The following OSBPL6 variants were observed in gnomAD, a reference collection of about 807,000 sequenced individuals.
The protein encoded by OSBPL6 is oxysterol binding protein like 6, also known as oxysterol-binding protein-related protein 6.
Under a neutral mutation model 125.8 loss-of-function variants are expected in OSBPL6, and 49 were observed. That is an observed-to-expected ratio of 0.39 (90% CI 0.31 to 0.49). OSBPL6 has a LOEUF of 0.49. Among genes scored for constraint, OSBPL6 ranks in the 20% least tolerant of loss-of-function variants. OSBPL6 has a pLI of 0.88. For missense variants in OSBPL6, 986 were observed against 1,135.4 expected (o/e 0.87, Z 1.89); for synonymous variants, 394 against 391.8 (o/e 1.01, Z -0.07).
chr2:178,350,948 T>A (rs958261094), intron 12 of OSBPL6, among the ~76,000 whole-genome samples: 1 of 152,154 alleles, frequency 6.6e-6, no homozygotes, highest in African/African-American at 2.4e-5. Flanking sequence ...AAGGCTTCTG[T>A]TGAATGATAC....
chr2:178,351,561 A>G (rs1275807083), intron 12 of OSBPL6, among the ~76,000 whole-genome samples: 1 of 152,234 alleles, frequency 6.6e-6, no homozygotes, highest in Non-Finnish European at 1.5e-5. Context: ...TATAAAAAAA[A>G]TTGGTGAAAG....
chr2:178,234,990 T>C (rs1309405048), intron 1 of OSBPL6, among the ~76,000 whole-genome samples: 1 of 152,200 alleles, frequency 6.6e-6, no homozygotes, highest in Non-Finnish European at 1.5e-5. Context: ...TTATCAAATA[T>C]GTTTGGATAA....
At chr2:178,319,274 T>C (rs1484648891) in intron 3 of OSBPL6, among the ~76,000 whole-genome samples, 2 of 152,232 alleles carry the variant, frequency 1.3e-5, no homozygotes, top group Non-Finnish European at 2.9e-5. Context: ...TTGAGTGTGC[T>C]GTAAGGGTAA....
intron 11 of OSBPL6, among the ~76,000 whole-genome samples, chr2:178,346,999 G>A (rs1435146893): frequency 2.0e-5 from 3 of 152,186 alleles, no homozygotes; most frequent in Non-Finnish European, 2.9e-5. Flanking sequence ...TGGGTAATAT[G>A]CAAAACCACT....
chr2:178,395,384 G>A, intron 24 of OSBPL6, 67 bp from the exon 25 acceptor site: 1 of 1,106,256 alleles, frequency 9.0e-7, no homozygotes, highest in Non-Finnish European at 1.4e-6. Flanking sequence ...TAATCTATAG[G>A]AGAGGGTCCT....
At chr2:178,206,353 G>A (rs1467197831) in intron 1 of OSBPL6, among the ~76,000 whole-genome samples, 1 of 152,190 alleles carries the variant, frequency 6.6e-6, no homozygotes, top group East Asian at 1.9e-4. Flanking sequence ...GAGTTCACAG[G>A]AAAAACGGTG....
At chr2:178,263,339 G>A (rs1398260235) in intron 1 of OSBPL6, among the ~76,000 whole-genome samples, 2 of 152,304 alleles carry the variant, frequency 1.3e-5, no homozygotes, top group South Asian at 2.1e-4. Flanking sequence ...TTAGCTGGGC[G>A]TGGTGACACA....
intron 24 of OSBPL6, 92 bp from the exon 25 acceptor site, chr2:178,395,358 CT>C (rs530537893): frequency 9.0e-4 from 739 of 825,580 alleles, no homozygotes; most frequent in Admixed American, 4.5e-3. Context: ...ACAAACACTG[CT>C]TATATGTCCA....
intron 1 of OSBPL6, among the ~76,000 whole-genome samples, chr2:178,269,609 A>T (rs750959439): frequency 6.6e-6 from 1 of 152,146 alleles, no homozygotes; most frequent in Non-Finnish European, 1.5e-5. Context: ...AACCCAAGGG[A>T]GGGAGGGAAT....
intron 1 of OSBPL6, among the ~76,000 whole-genome samples, chr2:178,232,893 C>T (rs13003146): frequency 0.16 from 24,092 of 152,052 alleles, 2,420 homozygotes; most frequent in South Asian, 0.23. Flanking sequence ...CTCGTGTATA[C>T]GCTGAACTCC....
intron 2 of OSBPL6, among the ~76,000 whole-genome samples, chr2:178,287,315 T>A (rs957366784): frequency 6.6e-6 from 1 of 151,022 alleles, no homozygotes; most frequent in Non-Finnish European, 1.5e-5. Context: ...ACATTGTAAA[T>A]CTCTTCTTGA....
intron 19 of OSBPL6, 80 bp downstream of exon 19, chr2:178,385,601 C>A: frequency 1.8e-6 from 2 of 1,082,550 alleles, no homozygotes; most frequent in Non-Finnish European, 2.8e-6. Context: ...ACACTGTATT[C>A]AGTTTAGATT....
chr2:178,391,695 A>G (rs534090665), intron 22 of OSBPL6, among the ~76,000 whole-genome samples: 3 of 152,390 alleles, frequency 2.0e-5, no homozygotes, highest in Non-Finnish European at 4.4e-5. Context: ...ACATTTAATA[A>G]AAGACATCAA....
chr2:178,220,534 G>T (rs1370316825), intron 1 of OSBPL6, among the ~76,000 whole-genome samples: 4 of 152,046 alleles, frequency 2.6e-5, no homozygotes, highest in African/African-American at 9.7e-5. Flanking sequence ...TTGAACTCCT[G>T]GGCTCAAGCA....
At chr2:178,216,318 A>G (rs1178918090) in intron 1 of OSBPL6, among the ~76,000 whole-genome samples, 1 of 152,136 alleles carries the variant, frequency 6.6e-6, no homozygotes, top group African/African-American at 2.4e-5. Flanking sequence ...CCCTGAATAT[A>G]CCCCTTGGTA....
chr2:178,278,677 T>A (rs1400011234), intron 1 of OSBPL6, among the ~76,000 whole-genome samples: 1 of 152,242 alleles, frequency 6.6e-6, no homozygotes. Flanking sequence ...CACAACCTGT[T>A]TCCATTAAAC....
intron 3 of OSBPL6, among the ~76,000 whole-genome samples, chr2:178,307,285 A>G (rs1237202805): frequency 2.6e-5 from 4 of 152,148 alleles, no homozygotes; most frequent in Non-Finnish European, 2.9e-5. Flanking sequence ...TCGATAGTGC[A>G]AGTACACTGC....
chr2:178,394,952 A>G (rs1695718006), intron 24 of OSBPL6, among the ~76,000 whole-genome samples: 2 of 152,220 alleles, frequency 1.3e-5, no homozygotes, highest in Admixed American at 6.5e-5. Context: ...GAGCCAGGAC[A>G]AAAAGCTCAG....
chr2:178,349,917 A>G (rs552216976), intron 12 of OSBPL6, among the ~76,000 whole-genome samples: 2 of 152,318 alleles, frequency 1.3e-5, no homozygotes, highest in South Asian at 2.1e-4. Flanking sequence ...TCCTGTGCCT[A>G]GCACGTTGGC....
Sources: allele counts gnomAD v4.1 joint callset (sites outside exome capture counted in the v4.1 genomes callset), GRCh38; gene constraint gnomAD v4.1.1; transcripts MANE v1.5; gene names NCBI Gene and HGNC (gene_info 2026-07-23, HGNC 2026-07-21).